Variants in PTPRD observed in about 807,000 individuals in gnomAD.
PTPRD encodes receptor-type tyrosine-protein phosphatase delta.
PTPRD carries 34 observed loss-of-function variants against 214.5 expected under a neutral mutation model. The observed-to-expected ratio is 0.16, with a 90% CI of 0.12 to 0.21. The LOEUF (loss-of-function observed/expected upper bound fraction) is 0.21, where lower values mean the gene tolerates loss of function less well. Among genes scored for constraint, PTPRD ranks in the 10% least tolerant of loss-of-function variants. The pLI is 1.00. For missense variants in PTPRD, 2,545 were observed against 2,398.7 expected, an observed-to-expected ratio of 1.06 and a Z score of -1.27; for synonymous variants, 1,128 against 845.7, an observed-to-expected ratio of 1.33 and a Z score of -5.79.
chr9:9,122,033 C>G (rs1186128370), intron 10 of PTPRD, among the ~76,000 whole-genome samples: 2 of 152,102 alleles, frequency 1.3e-5, no homozygotes, highest in African/African-American at 2.4e-5. Flanking sequence ...GGGAGACTCC[C>G]TCTCTACTCC....
At chr9:8,817,444 G>A (rs368364018) in intron 11 of PTPRD, among the ~76,000 whole-genome samples, 37 of 152,244 alleles carry the variant, frequency 2.4e-4, no homozygotes, top group African/African-American at 8.7e-4. Context: ...GTGACACCCT[G>A]TCATTACAAA....
intron 2 of PTPRD, among the ~76,000 whole-genome samples, chr9:10,389,395 T>G (rs1430767273): frequency 6.6e-6 from 1 of 151,876 alleles, no homozygotes; most frequent in Non-Finnish European, 1.5e-5. Context: ...CAAACTATTT[T>G]TCAAGATATC....
intron 2 of PTPRD, among the ~76,000 whole-genome samples, chr9:10,545,888 A>G (rs2060067008): frequency 6.6e-6 from 1 of 152,148 alleles, no homozygotes; most frequent in Non-Finnish European, 1.5e-5. Flanking sequence ...GCACAGCAGA[A>G]GCTCTTTGAA....
chr9:8,529,435 G>A (rs1290698666), intron 14 of PTPRD, among the ~76,000 whole-genome samples: 2 of 152,100 alleles, frequency 1.3e-5, no homozygotes, highest in Non-Finnish European at 2.9e-5. Flanking sequence ...AAGAGCAAAA[G>A]CAACTCCTTA....
At chr9:9,907,181 G>A (rs1375565492) in intron 5 of PTPRD, among the ~76,000 whole-genome samples, 1 of 80,398 alleles carries the variant, frequency 1.2e-5, no homozygotes, top group Non-Finnish European at 2.7e-5. Flanking sequence ...GTTTTGCGGT[G>A]GCAAACACAG....
chr9:9,271,746 G>C (rs1569566401), intron 9 of PTPRD, among the ~76,000 whole-genome samples: 1 of 151,186 alleles, frequency 6.6e-6, no homozygotes, highest in Non-Finnish European at 1.5e-5. Flanking sequence ...TTTTTTCTGA[G>C]ACTAACATCA....
intron 3 of PTPRD, among the ~76,000 whole-genome samples, chr9:10,062,515 A>G (rs939577752): frequency 2.0e-5 from 3 of 152,064 alleles, no homozygotes; most frequent in Non-Finnish European, 4.4e-5. Flanking sequence ...CTGAGGCAGG[A>G]GAATCACTTA....
At chr9:9,948,670 G>A (rs1373866350) in intron 4 of PTPRD, among the ~76,000 whole-genome samples, 2 of 151,970 alleles carry the variant, frequency 1.3e-5, no homozygotes, top group Non-Finnish European at 2.9e-5. Context: ...AGCCAAAATT[G>A]TAAGAAGTGT....
intron 11 of PTPRD, among the ~76,000 whole-genome samples, chr9:8,838,957 A>T (rs1230449689): frequency 6.6e-6 from 1 of 152,180 alleles, no homozygotes; most frequent in African/African-American, 2.4e-5. Context: ...AATGATGAAT[A>T]AAGATCCTGT....
At chr9:9,363,881 A>C (rs1412232870) in intron 9 of PTPRD, among the ~76,000 whole-genome samples, 4 of 151,402 alleles carry the variant, frequency 2.6e-5, no homozygotes, top group Non-Finnish European at 4.4e-5. Flanking sequence ...TTTACTTTGC[A>C]TTATAGTTTT....
chr9:10,511,566 G>GCTTTTTTTT (rs1184361974), intron 2 of PTPRD, among the ~76,000 whole-genome samples: 1 of 88,606 alleles, frequency 1.1e-5, no homozygotes. Context: ...ACCACACCCT[G>GCTTTTTTTT]GTATTTTTTT....
At chr9:9,905,489 A>G (rs932025333) in intron 5 of PTPRD, among the ~76,000 whole-genome samples, 1 of 151,944 alleles carries the variant, frequency 6.6e-6, no homozygotes, top group African/African-American at 2.4e-5. Flanking sequence ...GGCTCTACAT[A>G]CCTATATACT....
At chr9:9,596,537 T>C (rs985444429) in intron 7 of PTPRD, among the ~76,000 whole-genome samples, 20 of 152,114 alleles carry the variant, frequency 1.3e-4, no homozygotes, top group South Asian at 6.2e-4. Context: ...TGATATATCA[T>C]TTGTGATTTT....
intron 11 of PTPRD, among the ~76,000 whole-genome samples, chr9:8,909,985 G>A (rs2098736042): frequency 6.6e-6 from 1 of 151,656 alleles, no homozygotes; most frequent in Non-Finnish European, 1.5e-5. Flanking sequence ...TTATGCTATA[G>A]TTTAAACAGT....
chr9:10,508,579 A>C (rs1266286715), intron 2 of PTPRD, among the ~76,000 whole-genome samples: 2 of 152,234 alleles, frequency 1.3e-5, no homozygotes, highest in Admixed American at 6.5e-5. Context: ...GGATTAAGAA[A>C]ATGTGGCACA....
intron 10 of PTPRD, among the ~76,000 whole-genome samples, chr9:9,067,069 C>G (rs418879): frequency 0.26 from 39,309 of 152,028 alleles, 5,456 homozygotes; most frequent in Middle Eastern, 0.3. Flanking sequence ...ATGGCAAAAC[C>G]CTATCTCTAC....
chr9:10,274,532 A>ATTAC (rs1257257089), intron 3 of PTPRD, among the ~76,000 whole-genome samples: 5 of 152,200 alleles, frequency 3.3e-5, no homozygotes, highest in Non-Finnish European at 7.4e-5. Context: ...GAAGACAAGT[A>ATTAC]TGGCTTTGGC....
intron 7 of PTPRD, among the ~76,000 whole-genome samples, chr9:9,647,474 A>T (rs753603200): frequency 6.6e-6 from 1 of 152,168 alleles, no homozygotes; most frequent in South Asian, 2.1e-4. Flanking sequence ...TGGGTTAAAT[A>T]TGCATTTCTC....
chr9:9,784,930 G>A (rs1375761915), intron 5 of PTPRD, among the ~76,000 whole-genome samples: 1 of 147,006 alleles, frequency 6.8e-6, no homozygotes, highest in Non-Finnish European at 1.5e-5. Context: ...TCAACAAATT[G>A]TATATGGTTT....
Sources: gnomAD v4.1 joint callset for allele counts (sites outside exome capture counted in the v4.1 genomes callset) on GRCh38, gnomAD v4.1.1 for gene constraint, MANE v1.5 for transcripts, NCBI Gene and HGNC (gene_info 2026-07-23, HGNC 2026-07-21) for gene names.